STARD13: variants seen among roughly 807,000 people sequenced by gnomAD.
The protein encoded by STARD13 is stAR-related lipid transfer protein 13.
A neutral mutation model predicts 106.4 loss-of-function variants in STARD13; 62 were observed. That is an observed-to-expected ratio of 0.58 (90% CI 0.48 to 0.72). The LOEUF (loss-of-function observed/expected upper bound fraction) is 0.72. Among genes scored for constraint, STARD13 ranks in the 30% least tolerant of loss-of-function variants. STARD13 has a pLI of 0.00. For synonymous variants in STARD13, 565 were observed against 553.0 expected, an observed-to-expected ratio of 1.02 and a Z score of -0.31; for missense variants, 1,387 against 1,424.0, an observed-to-expected ratio of 0.97 and a Z score of 0.42.
the STARD13 span, among the ~76,000 whole-genome samples, chr13:33,376,149 C>T: frequency 6.6e-6 from 1 of 152,102 alleles, no homozygotes; most frequent in Non-Finnish European, 1.5e-5. Flanking sequence ...TGTAAAGCTA[C>T]ACCCTAGCTT....
Position 33,128,978 on chromosome 13 carries a change from T to C in STARD13, c.1699A>G (p.Arg567Gly). ...CCTACACCAGAATCCCTCCTGTCTCTGACCCCAGGAGGCTCAGATTCATTA... is the reference window on the plus strand; with the variant it reads ...CCTACACCAGAATCCCTCCTGTCTCCGACCCCAGGAGGCTCAGATTCATTA... ...SLNESEPPGV[R>G]DRRDSGVGAS... is the part of the protein sequence containing the mutation. The change falls in exon 5 of 14, where the codon AGA becomes GGA. Residue 567 changes from arginine (R) to glycine (G), a missense_variant. Coordinates refer to ENST00000336934, the MANE Select transcript of STARD13 (RefSeq NM_178006.4). 1 of 1,614,116 alleles carries C rather than the reference T, an allele frequency of 6.2e-7. No individual in the cohort carries two copies. Among genetic ancestry groups the C allele is most frequent in the Non-Finnish European group, 8.5e-7 (1 of 1,180,010 alleles).
the STARD13 span, among the ~76,000 whole-genome samples, chr13:33,385,365 C>T: frequency 6.9e-6 from 1 of 144,100 alleles, no homozygotes; most frequent in African/African-American, 2.5e-5. Flanking sequence ...TACAGCTGTC[C>T]TAAACTGTGA....
At position 33,112,732 on chromosome 13, in the gene STARD13, T is replaced by C. The variant is rs1211970679; in HGVS notation, c.2481A>G (p.Glu827=). ...SLFHLNLLKK[E]SSPRVIQKKY... Reference sequence around the variant, plus strand: ...GAAAAAAAACCCACCGTGGAGAGCTTTCTTTCTTCAATAAATTAAGATGAA... The same window carrying C: ...GAAAAAAAACCCACCGTGGAGAGCTCTCTTTCTTCAATAAATTAAGATGAA... Residue 827 remains glutamate (E), a synonymous_variant, in exon 9 of 14, where the codon GAA becomes GAG. Transcript: ENST00000336934. The C allele has an allele frequency of 3.8e-6, 6 of 1,599,414 alleles. No individual in the cohort carries two copies. Among genetic ancestry groups the C allele is most frequent in the Non-Finnish European group, 5.1e-6 (6 of 1,173,406 alleles).
chr13:33,130,387 C>A lies in STARD13; in HGVS notation c.388-98G>T. On this transcript the variant is annotated intron_variant, in intron 4 of 13. Coordinates refer to ENST00000336934, the MANE Select transcript of STARD13 (RefSeq NM_178006.4). The surrounding 1 kb of genome is among the most constrained non-coding windows in gnomAD (Gnocchi z 4.1). Reference sequence around the variant, plus strand: ...CAGCCCTGTGTGGTCCTCCACCTCCCTCCCCTCTGTCCTCCCATGCACAGG... The same window carrying A: ...CAGCCCTGTGTGGTCCTCCACCTCCATCCCCTCTGTCCTCCCATGCACAGG... 1 of 1,187,168 alleles carries A rather than the reference C, an allele frequency of 8.4e-7. No individual in the cohort carries two copies. Among genetic ancestry groups the A allele is most frequent in the Non-Finnish European group, 1.2e-6 (1 of 841,968 alleles). The allele number at this position is 1,187,168 out of a possible 1,614,324, so 73.5% of individuals were successfully genotyped here. A position where few individuals can be genotyped will look rare whatever the true frequency, so the allele number is the denominator to read the frequency against.
Position 33,234,095 on chromosome 13 carries a change from C to T in STARD13, c.169+51375G>A, listed in dbSNP as rs574675353. ...GTGTACATATGTGGCTTATAGCATA[C>T]GTACAAATAGAAAAATATGCCAGAC... is the stretch of plus-strand genomic sequence containing the variant. On this transcript the variant is annotated intron_variant, in intron 1 of 13. Coordinates refer to ENST00000336934, the MANE Select transcript of STARD13 (RefSeq NM_178006.4). 6.0e-4 allele frequency among the ~76,000 whole-genome samples: 92 copies of T among 152,300 alleles called. 1 individual carries two copies. The highest frequency in any genetic ancestry group is 3.9e-4 in the East Asian group (2 of 5,182).
chr13:33,529,485 T>G, the STARD13 span, among the ~76,000 whole-genome samples: 7 of 152,180 alleles, frequency 4.6e-5, no homozygotes, highest in African/African-American at 1.7e-4. Context: ...ATTCATTCAC[T>G]TATTCATTCA....
chr13:33,434,861 T>A, the STARD13 span, among the ~76,000 whole-genome samples: 1 of 140,858 alleles, frequency 7.1e-6, no homozygotes, highest in Non-Finnish European at 1.5e-5. Flanking sequence ...TTCTAGCCTA[T>A]TGGAAAGGAA....
chr13:33,331,507 C>A (rs1339353556), intron 1 of STARD13, among the ~76,000 whole-genome samples: 1 of 148,510 alleles, frequency 6.7e-6, no homozygotes, highest in African/African-American at 2.5e-5. Context: ...CATGCGCCAC[C>A]ATGCCTGGCT....
chr13:33,312,473 C>G (rs1893176120), intron 1 of STARD13, among the ~76,000 whole-genome samples: 3 of 152,128 alleles, frequency 2.0e-5, no homozygotes, highest in African/African-American at 7.2e-5. Flanking sequence ...CTCACCCCAC[C>G]CCCATCCTCT....
intron 4 of STARD13, among the ~76,000 whole-genome samples, chr13:33,140,044 A>G (rs959212964): frequency 6.6e-6 from 1 of 152,260 alleles, no homozygotes; most frequent in Non-Finnish European, 1.5e-5. Context: ...GGCGTGTGCC[A>G]CTAGATGCGA....
intron 1 of STARD13, among the ~76,000 whole-genome samples, chr13:33,308,520 C>CTTTTTTTTTTTTTTTTTTTTTTTTTTT (rs552526416): frequency 5.0e-4 from 44 of 88,550 alleles, no homozygotes; most frequent in Admixed American, 7.4e-4. Context: ...CTTTTTCTTT[C>CTTTTTTTTTTTTTTTTTTTTTTTTTTT]TTTTTTTTTT....
At chr13:33,109,777 TG>T in intron 12 of STARD13, 95 bp downstream of exon 12, 1 of 1,181,702 alleles carries the variant, frequency 8.5e-7, no homozygotes, top group African/African-American at 1.5e-5. Context: ...CCGTGGAGGC[TG>T]GACTTTGGTG....
chr13:33,559,825 C>T, the STARD13 span, among the ~76,000 whole-genome samples: 2 of 151,518 alleles, frequency 1.3e-5, no homozygotes, highest in South Asian at 2.1e-4. Context: ...CCACTGCACT[C>T]CAGCCTGGGC....
chr13:33,470,383 T>A, the STARD13 span, among the ~76,000 whole-genome samples: 1 of 152,226 alleles, frequency 6.6e-6, no homozygotes, highest in Middle Eastern at 3.2e-3. Flanking sequence ...ACAATAAACA[T>A]AAGTGTGCAT....
intron 1 of STARD13, among the ~76,000 whole-genome samples, chr13:33,240,275 T>G (rs1889405255): frequency 6.6e-6 from 1 of 152,204 alleles, no homozygotes; most frequent in South Asian, 2.1e-4. Flanking sequence ...CATACTGTTT[T>G]GATTACTGAA....
At chr13:33,346,128 C>T (rs1454876576), downstream of STARD13, among the ~76,000 whole-genome samples, 1 of 152,192 alleles carries the variant, frequency 6.6e-6, no homozygotes, top group Non-Finnish European at 1.5e-5. Flanking sequence ...GTCAGGCACA[C>T]AGGGCAAGAA....
the STARD13 span, among the ~76,000 whole-genome samples, chr13:33,620,340 T>C: frequency 1.2e-3 from 185 of 151,606 alleles, no homozygotes; most frequent in African/African-American, 4.3e-3. Flanking sequence ...TGGAGTGCAG[T>C]GGCGCTATCT....
chr13:33,299,566 C>T (rs531589333), intron 1 of STARD13, among the ~76,000 whole-genome samples: 4 of 152,278 alleles, frequency 2.6e-5, no homozygotes, highest in South Asian at 4.1e-4. Flanking sequence ...CAAAATTTGG[C>T]CCATAATTTC....
chr13:33,130,964 C>T lies in STARD13; in HGVS notation c.388-675G>A, dbSNP rs545184864. ...TTTTTCTGTGGAATCAACTCCGAGT[C>T]AGAATGCCGTTGGCAGGACGCACAC... On this transcript the variant is annotated intron_variant, in intron 4 of 13. Coordinates refer to ENST00000336934, the MANE Select transcript of STARD13 (RefSeq NM_178006.4). This position sits in a 1 kb window ranked among gnomAD's most constrained non-coding sequence, Gnocchi z 4.1. Among the ~76,000 whole-genome samples the T allele has an allele frequency of 9.8e-5, 15 of 152,322 alleles. No individual in the cohort carries two copies. In the South Asian group the frequency reaches 3.1e-3, roughly 32 times the overall value.
Sources: allele counts gnomAD v4.1 joint callset (sites outside exome capture counted in the v4.1 genomes callset), GRCh38; gene constraint gnomAD v4.1.1; non-coding constraint Gnocchi (gnomAD v3.1); transcripts MANE v1.5; gene names NCBI Gene and HGNC (gene_info 2026-07-23, HGNC 2026-07-21).